CTIF: variants seen among roughly 807,000 people sequenced by gnomAD.
The protein encoded by CTIF is CBP80/20-dependent translation initiation factor.
CTIF carries 21 observed loss-of-function variants against 66.0 expected under a neutral mutation model. The ratio of observed to expected loss-of-function variants is 0.32; its 90% confidence interval spans 0.23 to 0.46. The LOEUF (loss-of-function observed/expected upper bound fraction) is 0.46, where lower values mean the gene tolerates loss of function less well. CTIF is among the 20% of genes least tolerant of loss of function. CTIF has a pLI of 1.00. For synonymous variants in CTIF, 345 were observed against 326.4 expected (o/e 1.06, Z -0.62); for missense variants, 739 against 812.7 (o/e 0.91, Z 1.10).
intron 2 of CTIF, among the ~76,000 whole-genome samples, chr18:48,623,396 T>C (rs1270326403): frequency 6.6e-6 from 1 of 152,092 alleles, no homozygotes; most frequent in African/African-American, 2.4e-5. Context: ...CACACACACC[T>C]GGGGTACCGA....
intron 10 of CTIF, among the ~76,000 whole-genome samples, chr18:48,847,527 C>G (rs1353646865): frequency 6.6e-6 from 1 of 152,138 alleles, no homozygotes; most frequent in Non-Finnish European, 1.5e-5. Flanking sequence ...ATACCTGTGG[C>G]CTTTCCCTGT....
chr18:48,602,108 G>A (rs957415928), intron 1 of CTIF, among the ~76,000 whole-genome samples: 4 of 152,214 alleles, frequency 2.6e-5, no homozygotes, highest in Non-Finnish European at 5.9e-5. Context: ...GTGTGAACAT[G>A]GGCCTACTGT....
chr18:48,556,522 G>A (rs2089025454), intron 1 of CTIF, among the ~76,000 whole-genome samples: 1 of 152,188 alleles, frequency 6.6e-6, no homozygotes, highest in Admixed American at 6.5e-5. Flanking sequence ...ACTCTGGAGT[G>A]CTGAGAACTG....
chr18:48,676,021 C>T (rs924092962), intron 6 of CTIF, among the ~76,000 whole-genome samples: 3 of 152,138 alleles, frequency 2.0e-5, no homozygotes, highest in Non-Finnish European at 1.5e-5. Context: ...GACCACCCCC[C>T]GGCACCCCCT....
At chr18:48,758,958 A>C (rs1035255415) in intron 8 of CTIF, among the ~76,000 whole-genome samples, 10 of 152,134 alleles carry the variant, frequency 6.6e-5, no homozygotes, top group African/African-American at 2.4e-4. Flanking sequence ...TCTACAGTGC[A>C]CACCGTAAGG....
chr18:48,623,885 C>CTGGA (rs959441465), intron 2 of CTIF, among the ~76,000 whole-genome samples: 1 of 151,710 alleles, frequency 6.6e-6, no homozygotes, highest in African/African-American at 2.4e-5. Flanking sequence ...GGCTGGCTGG[C>CTGGA]TGGATGGATG....
intron 10 of CTIF, among the ~76,000 whole-genome samples, chr18:48,846,111 T>C (rs1466554119): frequency 6.6e-6 from 1 of 152,254 alleles, no homozygotes; most frequent in Non-Finnish European, 1.5e-5. Flanking sequence ...CCAAACTCAG[T>C]ACCATGGCAT....
At chr18:48,573,976 T>A (rs2089476453) in intron 1 of CTIF, among the ~76,000 whole-genome samples, 1 of 152,234 alleles carries the variant, frequency 6.6e-6, no homozygotes, top group African/African-American at 2.4e-5. Context: ...CCAGCAGTGC[T>A]TGGCCATACA....
At chr18:48,803,948 C>T (rs1009625399) in intron 9 of CTIF, among the ~76,000 whole-genome samples, 1 of 152,112 alleles carries the variant, frequency 6.6e-6, no homozygotes, top group African/African-American at 2.4e-5. Context: ...GAGGACCAGC[C>T]CTGGGGTTGC....
rs112577942 is a variant in CTIF, at chr18:48,718,553, A to C, written c.584+6858A>C. On this transcript the variant is annotated intron_variant, in intron 7 of 11. Coordinates refer to ENST00000256413, the MANE Select transcript of CTIF (RefSeq NM_014772.3). ...GCATGGGATGTCCAAGGGCAGGAGA[A>C]GATGGATGTCGCCACTCAAGAAGAG... 3.9e-3 allele frequency among the ~76,000 whole-genome samples: 597 copies of C among 152,302 alleles called. 6 individuals are homozygous for C. The highest frequency in any genetic ancestry group is 0.014 in the African/African-American group (568 of 41,564).
At chr18:48,840,347 C>T (rs969315079) in intron 10 of CTIF, among the ~76,000 whole-genome samples, 2 of 152,010 alleles carry the variant, frequency 1.3e-5, no homozygotes, top group African/African-American at 2.4e-5. Context: ...AGGCTAAGCC[C>T]TCATCCCCAT....
intron 9 of CTIF, among the ~76,000 whole-genome samples, chr18:48,801,757 A>G (rs980301998): frequency 3.3e-5 from 5 of 152,184 alleles, no homozygotes; most frequent in Non-Finnish European, 7.3e-5. Flanking sequence ...TCAGCTTCCA[A>G]CTGCTTCCAG....
intron 9 of CTIF, among the ~76,000 whole-genome samples, chr18:48,808,814 T>G (rs190676951): frequency 6.6e-6 from 1 of 152,366 alleles, no homozygotes; most frequent in African/African-American, 2.4e-5. Context: ...TTAAGAGTAG[T>G]GTAACTCTTT....
Position 48,663,808 on chromosome 18 carries a change from C to A in CTIF, c.309C>A (p.Asn103Lys). Residue 103 changes from asparagine (N) to lysine (K), a missense_variant, in exon 4 of 12, where the codon AAC becomes AAA. Around this residue, in one of 2 missense-constraint regions of CTIF, gnomAD observed 529 missense variants for 520.3 expected, o/e 1.02. Transcript: ENST00000256413. ...DMLGTDIWAANTFDSFSGATW... is the reference protein window; with the variant it reads ...DMLGTDIWAAKTFDSFSGATW... Reference sequence around the variant, plus strand: ...TGGGCACGGACATCTGGGCGGCCAACACCTTCGATTCCTTCAGGTAACCTC... The same window carrying A: ...TGGGCACGGACATCTGGGCGGCCAAAACCTTCGATTCCTTCAGGTAACCTC... The A allele has an allele frequency of 6.2e-7, 1 of 1,614,148 alleles. No individual in the cohort carries two copies. The highest frequency in any genetic ancestry group is 8.5e-7 in the Non-Finnish European group (1 of 1,179,976).
At chr18:48,554,094 G>A (rs932601334) in intron 1 of CTIF, among the ~76,000 whole-genome samples, 1 of 152,226 alleles carries the variant, frequency 6.6e-6, no homozygotes, top group Non-Finnish European at 1.5e-5. Context: ...CTGTGGTGGA[G>A]TGGCTGTCCG....
chr18:48,768,611 T>C (rs1909804139), intron 9 of CTIF, among the ~76,000 whole-genome samples: 2 of 151,908 alleles, frequency 1.3e-5, no homozygotes, highest in South Asian at 2.1e-4. Flanking sequence ...CTTGGGAAAA[T>C]CAAGAATCCA....
chr18:48,569,619 G>A (rs77433478), intron 1 of CTIF, among the ~76,000 whole-genome samples: 10,943 of 152,234 alleles, frequency 0.072, 474 homozygotes, highest in South Asian at 0.11. Flanking sequence ...AAAGTACTAC[G>A]TTTGCAGAGC....
chr18:48,848,423 G>T (rs2069127525), intron 10 of CTIF, among the ~76,000 whole-genome samples: 1 of 152,210 alleles, frequency 6.6e-6, no homozygotes, highest in Non-Finnish European at 1.5e-5. Flanking sequence ...GCTCCTCCAG[G>T]CAGGGGCTGG....
chr18:48,763,665 T>G (rs1156891789), intron 9 of CTIF, among the ~76,000 whole-genome samples: 2 of 152,184 alleles, frequency 1.3e-5, no homozygotes, highest in East Asian at 3.9e-4. Context: ...CCAGACCTGA[T>G]TCGTTTGTCA....
Sources: allele counts gnomAD v4.1 joint callset (sites outside exome capture counted in the v4.1 genomes callset), GRCh38; gene constraint gnomAD v4.1.1; regional missense constraint gnomAD v4.1.1; transcripts MANE v1.5; gene names NCBI Gene and HGNC (gene_info 2026-07-23, HGNC 2026-07-21).